Variants in ROBO2 observed in about 807,000 individuals in gnomAD.
The protein encoded by ROBO2 is roundabout homolog 2.
Under a neutral mutation model 160.8 loss-of-function variants are expected in ROBO2, and 53 were observed. The ratio of observed to expected loss-of-function variants is 0.33; its 90% confidence interval spans 0.26 to 0.41. The LOEUF (loss-of-function observed/expected upper bound fraction) is 0.41. Among genes scored for constraint, ROBO2 ranks in the 10% least tolerant of loss-of-function variants. The pLI, the probability that ROBO2 is intolerant of heterozygous loss-of-function variation, is 1.00. For synonymous variants in ROBO2, 664 were observed against 611.7 expected, an observed-to-expected ratio of 1.09 and a Z score of -1.26; for missense variants, 1,577 against 1,722.4, an observed-to-expected ratio of 0.92 and a Z score of 1.49.
intron 2 of ROBO2, among the ~76,000 whole-genome samples, chr3:76,162,516 T>C (rs770433778): frequency 3.9e-5 from 6 of 152,114 alleles, no homozygotes; most frequent in Non-Finnish European, 4.4e-5. Flanking sequence ...TCTCCGTATG[T>C]TGCCCAGGTT....
At chr3:77,593,126 A>G (rs1465585091) in intron 17 of ROBO2, among the ~76,000 whole-genome samples, 2 of 152,088 alleles carry the variant, frequency 1.3e-5, no homozygotes, top group Non-Finnish European at 2.9e-5. Flanking sequence ...ACCCATGAGC[A>G]TCTGCTTATT....
At chr3:77,503,448 C>T (rs745840851) in intron 5 of ROBO2, among the ~76,000 whole-genome samples, 133 of 150,938 alleles carry the variant, frequency 8.8e-4, no homozygotes, top group Non-Finnish European at 1.5e-3. Context: ...GGCGTCAACC[C>T]GGGAGGCAGA....
At chr3:77,445,500 T>C (rs779191293) in intron 2 of ROBO2, among the ~76,000 whole-genome samples, 2 of 152,042 alleles carry the variant, frequency 1.3e-5, no homozygotes, top group African/African-American at 4.8e-5. Context: ...AAAATAATTA[T>C]ATATCGCAAC....
intron 2 of ROBO2, among the ~76,000 whole-genome samples, chr3:76,847,132 A>G (rs373121523): frequency 3.2e-4 from 48 of 152,272 alleles, no homozygotes; most frequent in African/African-American, 7.9e-4. Flanking sequence ...TCATGTATCA[A>G]CCTTTTGATT....
chr3:75,955,139 T>G (rs1224854594), intron 2 of ROBO2, among the ~76,000 whole-genome samples: 1 of 151,870 alleles, frequency 6.6e-6, no homozygotes, highest in Non-Finnish European at 1.5e-5. Flanking sequence ...TTATGGTTTG[T>G]GTCACTGGAA....
chr3:75,987,753 G>C (rs1051376871), intron 2 of ROBO2, among the ~76,000 whole-genome samples: 3 of 152,042 alleles, frequency 2.0e-5, no homozygotes, highest in Non-Finnish European at 2.9e-5. Context: ...GAGTGTTTTT[G>C]ATATGAAAGA....
intron 2 of ROBO2, among the ~76,000 whole-genome samples, chr3:76,148,558 A>C (rs1425841167): frequency 6.6e-6 from 1 of 152,034 alleles, no homozygotes; most frequent in Non-Finnish European, 1.5e-5. Flanking sequence ...TTCTGGGCCT[A>C]TCCCAATCAG....
At position 76,025,301 on chromosome 3, in the gene ROBO2, G is replaced by A. The variant is rs1173293022; in HGVS notation, c.109+87699G>A. ...CATTCACAAAGTCTTGGGAATTAGAGGGTGTTACGTAGCTATGGGAACTTC... is the reference window on the plus strand; with the variant it reads ...CATTCACAAAGTCTTGGGAATTAGAAGGTGTTACGTAGCTATGGGAACTTC... On this transcript the variant is annotated intron_variant, in intron 2 of 26. Transcript: ENST00000487694. Among the ~76,000 whole-genome samples the A allele has an allele frequency of 7.3e-5, 11 of 151,626 alleles. No homozygotes were observed. The Admixed American group carries it at 7.3e-4, about 10-fold the overall frequency.
chr3:76,133,400 T>TAGAGACTAC (rs1459125005), intron 2 of ROBO2, among the ~76,000 whole-genome samples: 1 of 151,986 alleles, frequency 6.6e-6, no homozygotes, highest in Non-Finnish European at 1.5e-5. Context: ...TATTAGTCTC[T>TAGAGACTAC]AGAGACTAAT....
intron 2 of ROBO2, among the ~76,000 whole-genome samples, chr3:76,830,811 T>TTA (rs63389961): frequency 2.3e-5 from 3 of 132,556 alleles, no homozygotes; most frequent in Non-Finnish European, 4.7e-5. Flanking sequence ...ACCTCATTTC[T>TTA]AAAAAAAAAA....
intron 2 of ROBO2, among the ~76,000 whole-genome samples, chr3:76,772,195 G>T (rs2061946329): frequency 6.6e-6 from 1 of 151,120 alleles, no homozygotes; most frequent in Non-Finnish European, 1.5e-5. Flanking sequence ...TTTAGTTCAT[G>T]ATTTCAGATT....
intron 1 of ROBO2, among the ~76,000 whole-genome samples, chr3:77,088,495 T>C (rs1319759157): frequency 6.6e-6 from 1 of 152,190 alleles, no homozygotes; most frequent in African/African-American, 2.4e-5. Flanking sequence ...TGTCAATCCA[T>C]CACTTAGGTA....
At chr3:77,458,838 A>C (rs992362353) in intron 2 of ROBO2, among the ~76,000 whole-genome samples, 1 of 152,178 alleles carries the variant, frequency 6.6e-6, no homozygotes, top group Non-Finnish European at 1.5e-5. Context: ...GTTATATCTT[A>C]TTTCATCACA....
At chr3:76,597,499 GAA>G (rs1195965302) in intron 2 of ROBO2, among the ~76,000 whole-genome samples, 1 of 151,948 alleles carries the variant, frequency 6.6e-6, no homozygotes, top group African/African-American at 2.4e-5. Context: ...ATAAGCAAAG[GAA>G]AAGATATTCA....
At chr3:77,265,249 A>G (rs1304641501) in intron 2 of ROBO2, among the ~76,000 whole-genome samples, 3 of 152,114 alleles carry the variant, frequency 2.0e-5, no homozygotes, top group African/African-American at 7.2e-5. Context: ...CTATAGTTAC[A>G]CACTATGTCA....
intron 2 of ROBO2, among the ~76,000 whole-genome samples, chr3:76,949,918 T>C (rs2078857566): frequency 6.6e-6 from 1 of 152,234 alleles, no homozygotes; most frequent in East Asian, 1.9e-4. Flanking sequence ...TAAGAACATA[T>C]ACAAGCAGTC....
intron 2 of ROBO2, among the ~76,000 whole-genome samples, chr3:76,720,292 G>GA (rs1386510439): frequency 3.3e-5 from 5 of 152,088 alleles, no homozygotes; most frequent in Non-Finnish European, 7.4e-5. Context: ...GTGAGGAAAG[G>GA]AAAAAATCTA....
chr3:76,858,130 C>A (rs992707767), intron 2 of ROBO2, among the ~76,000 whole-genome samples: 1 of 151,602 alleles, frequency 6.6e-6, no homozygotes, highest in African/African-American at 2.4e-5. Flanking sequence ...GCACAGCACT[C>A]GCTAGTACAC....
chr3:76,110,732 C>T (rs974563189), intron 2 of ROBO2, among the ~76,000 whole-genome samples: 10 of 151,776 alleles, frequency 6.6e-5, no homozygotes, highest in Admixed American at 6.6e-4. Flanking sequence ...TAAAATGTAA[C>T]ATGCTTAAGA....
Sources: gnomAD v4.1 joint callset for allele counts (sites outside exome capture counted in the v4.1 genomes callset) on GRCh38, gnomAD v4.1.1 for gene constraint, MANE v1.5 for transcripts, NCBI Gene and HGNC (gene_info 2026-07-23, HGNC 2026-07-21) for gene names.